SUMF1: variants seen among roughly 807,000 people sequenced by gnomAD.
The protein encoded by SUMF1 is formylglycine-generating enzyme.
Under a neutral mutation model 47.6 loss-of-function variants are expected in SUMF1, and 48 were observed. The observed-to-expected ratio is 1.01, with a 90% confidence interval of 0.80 to 1.28. The LOEUF is 1.28. SUMF1 is among the 50% of genes most tolerant of loss of function. SUMF1 has a pLI of 0.00. For synonymous variants in SUMF1, 230 were observed against 192.1 expected (o/e 1.20, Z -1.63); for missense variants, 571 against 485.4 (o/e 1.18, Z -1.66).
intron 3 of SUMF1, among the ~76,000 whole-genome samples, chr3:4,444,500 A>G (rs1395184727): frequency 6.6e-6 from 1 of 152,232 alleles, no homozygotes; most frequent in Non-Finnish European, 1.5e-5. Flanking sequence ...GGGGAGAAAC[A>G]GGAAAAGCAT....
chr3:4,043,750 C>T (rs1042843200), intron 9 of SUMF1, among the ~76,000 whole-genome samples: 2 of 152,208 alleles, frequency 1.3e-5, no homozygotes, highest in Non-Finnish European at 2.9e-5. Flanking sequence ...CATGAAAACA[C>T]TCTTTGAATA....
intron 9 of SUMF1, among the ~76,000 whole-genome samples, chr3:4,059,397 A>T (rs1028490885): frequency 2.0e-5 from 3 of 152,130 alleles, no homozygotes; most frequent in Admixed American, 6.6e-5. Flanking sequence ...GCCATTCTGG[A>T]ATTGAAAACT....
At chr3:4,086,909 GA>G (rs1692684444) in intron 8 of SUMF1, among the ~76,000 whole-genome samples, 2 of 152,024 alleles carry the variant, frequency 1.3e-5, no homozygotes, top group Non-Finnish European at 2.9e-5. Context: ...CCATGATTAT[GA>G]GGCCTCCTCA....
At chr3:4,176,253 G>A (rs902255305) in intron 8 of SUMF1, among the ~76,000 whole-genome samples, 7 of 152,148 alleles carry the variant, frequency 4.6e-5, no homozygotes, top group African/African-American at 7.2e-5. Flanking sequence ...CACCAAGGTT[G>A]AAATGAAGGA....
intron 8 of SUMF1, among the ~76,000 whole-genome samples, chr3:4,287,447 A>G (rs1697655639): frequency 6.6e-6 from 1 of 152,078 alleles, no homozygotes; most frequent in South Asian, 2.1e-4. Flanking sequence ...TACTAATGGG[A>G]TGTGTGTGCT....
chr3:4,191,845 G>A lies in SUMF1; in HGVS notation c.1015-123100C>T, dbSNP rs565117187. On this transcript the variant is annotated intron_variant and NMD_transcript_variant, in intron 8 of 12. Coordinates refer to the SUMF1 transcript ENST00000448413. ...GCTTGAAATGTCTATTCAACAAGGT[G>A]AAAAAGAATTACAATACAGTGTGAT... 5.9e-5 allele frequency among the ~76,000 whole-genome samples: 9 copies of A among 152,026 alleles called. 1 individual carries two copies. Among genetic ancestry groups the A allele is most frequent in the Non-Finnish European group, 1.0e-4 (7 of 67,980 alleles).
At chr3:4,360,708 T>C (rs1218220538), downstream of SUMF1, among the ~76,000 whole-genome samples, 1 of 152,312 alleles carries the variant, frequency 6.6e-6, no homozygotes, top group East Asian at 1.9e-4. Flanking sequence ...AAGTGTTGGT[T>C]AGACACTTTT....
intron 8 of SUMF1, among the ~76,000 whole-genome samples, chr3:4,265,211 C>T (rs1404916059): frequency 6.6e-6 from 1 of 150,766 alleles, no homozygotes; most frequent in Non-Finnish European, 1.5e-5. Context: ...GCAGGAAGAT[C>T]CCTGGTTGTG....
intron 8 of SUMF1, among the ~76,000 whole-genome samples, chr3:4,318,168 C>T (rs978807744): frequency 1.3e-5 from 2 of 151,706 alleles, no homozygotes; most frequent in African/African-American, 4.8e-5. Context: ...AAAACTAATA[C>T]CAATATCCCT....
intron 8 of SUMF1, among the ~76,000 whole-genome samples, chr3:4,123,750 C>T (rs1434342952): frequency 1.3e-5 from 2 of 152,116 alleles, no homozygotes; most frequent in East Asian, 3.9e-4. Flanking sequence ...CAACTATTTG[C>T]ACCTTGATTT....
At chr3:4,132,922 C>T (rs1693825990) in intron 8 of SUMF1, among the ~76,000 whole-genome samples, 2 of 152,214 alleles carry the variant, frequency 1.3e-5, no homozygotes, top group African/African-American at 4.8e-5. Flanking sequence ...CAGCACCCCA[C>T]TCCAGGATGG....
chr3:4,128,405 A>C lies in SUMF1; in HGVS notation c.1015-59660T>G, dbSNP rs61291013. On this transcript the variant is annotated intron_variant and NMD_transcript_variant, in intron 8 of 12. Transcript: ENST00000448413. ...ATAAACTTTTCTTGCCAGAAGAAACAGCTTCCCTATCCCCAGTAGTGGCAA... is the reference window on the plus strand; with the variant it reads ...ATAAACTTTTCTTGCCAGAAGAAACCGCTTCCCTATCCCCAGTAGTGGCAA... Among the ~76,000 whole-genome samples, 223 of 152,262 alleles carry C rather than the reference A, an allele frequency of 1.5e-3. 1 individual carries two copies. The East Asian group carries it at 0.024, about 17-fold the overall frequency.
rs1355855063 is a variant in SUMF1 at position 4,254,010 on chromosome 3, C to T, written c.1014+122320G>A. Among the ~76,000 whole-genome samples the T allele has an allele frequency of 5.8e-4, 88 of 150,880 alleles. 4 individuals carry two copies. Among genetic ancestry groups the T allele is most frequent in the Non-Finnish European group, 3.0e-4 (20 of 67,706 alleles). The stretch of plus-strand genomic sequence containing the variant: ...ACCCCCCAGCAAGGGCACACTGACA[C>T]CACACACAGCAGGGTATTCCAACAG... On this transcript the variant is annotated intron_variant and NMD_transcript_variant, in intron 8 of 12. Transcript: ENST00000448413.
chr3:4,362,160 A>G lies in SUMF1; in HGVS notation c.1109T>C (p.Leu370Pro). The G allele has an allele frequency of 6.2e-7, 1 of 1,614,166 alleles. No individual in the cohort carries two copies. The highest frequency in any genetic ancestry group is 1.3e-5 in the African/African-American group (1 of 75,074). The change falls in exon 9 of 9, where the codon CTG (leucine) becomes CCG (proline). Residue 370 changes from leucine to proline, a missense_variant. Physicochemically the swap from Leu to Pro is moderately conservative, Grantham distance 98 (BLOSUM62 -3). Coordinates refer to ENST00000272902, the MANE Select transcript of SUMF1 (RefSeq NM_182760.4). ...NLGFRCAADR[L>P]PTMD is the part of the protein sequence containing the mutation. ...CCTTGGTTGTCAGTCCATAGTGGGC[A>G]GGCGGTCGGCTGCACAGCGGAATCC... is the stretch of plus-strand genomic sequence containing the variant.
chr3:4,167,884 T>G (rs751893143), intron 8 of SUMF1, among the ~76,000 whole-genome samples: 6 of 152,168 alleles, frequency 3.9e-5, no homozygotes, highest in Non-Finnish European at 8.8e-5. Context: ...CTAACTACTT[T>G]TTAGATATAG....
Position 4,362,205 on chromosome 3 carries a change from T to C in SUMF1, c.1064A>G (p.Asp355Gly). ...RCAARSQNTP[D>G]SSASNLGFRC... ...GAATCCCAGATTCGAAGCAGAGCTA[T>C]CAGGTGTGTTCTGGCTCCGAGCAGC... Residue 355 changes from aspartate to glycine, a missense_variant, in exon 9 of 9, where the codon GAT (aspartate) becomes GGT (glycine). Asp to Gly is a moderately conservative substitution (Grantham distance 94). Coordinates refer to ENST00000272902, the MANE Select transcript of SUMF1 (RefSeq NM_182760.4). 1.2e-6 allele frequency: 2 copies of C among 1,614,216 alleles called. No individual in the cohort carries two copies. The highest frequency in any genetic ancestry group is 1.1e-5 in the South Asian group (1 of 91,084).
chr3:4,121,405 GGT>G (rs1693537585), intron 8 of SUMF1, among the ~76,000 whole-genome samples: 1 of 152,028 alleles, frequency 6.6e-6, no homozygotes, highest in Admixed American at 6.6e-5. Flanking sequence ...TCTTGTAATG[GGT>G]ATTATAGTCT....
intron 3 of SUMF1, among the ~76,000 whole-genome samples, chr3:4,422,952 A>C (rs971980914): frequency 6.6e-6 from 1 of 151,910 alleles, no homozygotes; most frequent in African/African-American, 2.4e-5. Flanking sequence ...ACTTCCCCTG[A>C]GTCCCCAAAG....
chr3:4,269,176 C>CATTTTTTT (rs1697257585), intron 8 of SUMF1, among the ~76,000 whole-genome samples: 1 of 151,916 alleles, frequency 6.6e-6, no homozygotes, highest in African/African-American at 2.4e-5. Flanking sequence ...CACACAGAAT[C>CATTTTTTT]ATTTTTTTAT....
Sources: allele counts gnomAD v4.1 joint callset (sites outside exome capture counted in the v4.1 genomes callset), GRCh38; gene constraint gnomAD v4.1.1; transcripts MANE v1.5; gene names NCBI Gene and HGNC (gene_info 2026-07-23, HGNC 2026-07-21).